VAV2: variants seen among roughly 807,000 people sequenced by gnomAD.
VAV2 encodes guanine nucleotide exchange factor VAV2.
In VAV2, 67 loss-of-function variants were observed where a neutral mutation model predicts 132.5. The ratio of observed to expected loss-of-function variants is 0.51; its 90% CI spans 0.42 to 0.62. VAV2 has a LOEUF of 0.62. Among genes scored for constraint, VAV2 ranks in the 20% least tolerant of loss-of-function variants. The probability of loss-of-function intolerance (pLI) is 0.00; values close to 1 mark genes in which losing one functional copy is unlikely to be tolerated. For missense variants in VAV2, 938 were observed against 1,153.6 expected (o/e 0.81, Z 2.71); for synonymous variants, 492 against 443.5 (o/e 1.11, Z -1.37).
At position 133,834,698 on chromosome 9, in the gene VAV2, G is replaced by C. The variant is rs1199348907; in HGVS notation, c.381-358C>G. Among the ~76,000 whole-genome samples, 3 of 152,228 alleles carry C rather than the reference G, an allele frequency of 2.0e-5. No homozygotes were observed. Among genetic ancestry groups the C allele is most frequent in the African/African-American group, 7.2e-5 (3 of 41,462 alleles). On this transcript the variant is annotated intron_variant, in intron 3 of 29. Transcript: ENST00000371850. The surrounding 1 kb of genome is among the most constrained non-coding windows in gnomAD (Gnocchi z 5.9). ...TTACCCACCCTCCCACTTCCAGGGG[G>C]TTCACAGTGGAGATGAGGCTCCTCG...
At position 133,802,778 on chromosome 9, in the gene VAV2, A is replaced by C. The variant is rs1285155854; in HGVS notation, c.836+3303T>G. 6.6e-6 allele frequency among the ~76,000 whole-genome samples: 1 copy of C among 151,918 alleles called. No homozygotes were observed. Among genetic ancestry groups the C allele is most frequent in the African/African-American group, 2.4e-5 (1 of 41,336 alleles). The stretch of plus-strand genomic sequence containing the variant: ...TCTGCCTCCAGTCCACACAGCCCCA[A>C]CCTCTCAAGATGCCCAGGGACAGGC... On this transcript the variant is annotated intron_variant, in intron 9 of 29. Transcript: ENST00000371850. The surrounding 1 kb of genome is among the most constrained non-coding windows in gnomAD (Gnocchi z 5.8).
At chr9:133,972,420 C>T (rs993192218) in intron 1 of VAV2, among the ~76,000 whole-genome samples, 3 of 152,230 alleles carry the variant, frequency 2.0e-5, no homozygotes, top group African/African-American at 4.8e-5. Context: ...CACACTGCGT[C>T]ATTAGCTAAT....
chr9:133,862,385 C>T (rs767159803), intron 2 of VAV2, among the ~76,000 whole-genome samples: 1 of 152,266 alleles, frequency 6.6e-6, no homozygotes, highest in Non-Finnish European at 1.5e-5. Context: ...GCTGTCACAA[C>T]TCACGGGGTG....
rs573063802 is a variant in VAV2, at chr9:133,926,587, C to T, written c.321+12516G>A. ...TAAACCTGAGCAGGCCAGGCCACCG[C>T]CACCAGCCTCTGGACCTTTGCACAT... On this transcript the variant is annotated intron_variant, in intron 2 of 29. Coordinates refer to ENST00000371850, the MANE Select transcript of VAV2 (RefSeq NM_001134398.2). This position sits in a 1 kb window ranked among gnomAD's most constrained non-coding sequence, Gnocchi z 4.3. 3.3e-5 allele frequency among the ~76,000 whole-genome samples: 5 copies of T among 152,330 alleles called. No individual in the cohort carries two copies. Among genetic ancestry groups the T allele is most frequent in the Admixed American group, 6.5e-5 (1 of 15,308 alleles).
rs535049887 is a variant in VAV2 at position 133,834,344 on chromosome 9, C to T, written c.381-4G>A. Reference sequence around the variant, plus strand: ...GGTCTCCTCTGAGGGAAAAGGCCTGCGGAAGAGAAGGCGAGAGGGAGGTGA... The same window carrying T: ...GGTCTCCTCTGAGGGAAAAGGCCTGTGGAAGAGAAGGCGAGAGGGAGGTGA... On this transcript the variant is annotated splice_region_variant and splice_polypyrimidine_tract_variant and intron_variant, in intron 3 of 29. Transcript: ENST00000371850. The surrounding 1 kb of genome is among the most constrained non-coding windows in gnomAD (Gnocchi z 5.9). The T allele has an allele frequency of 2.0e-5, 33 of 1,611,360 alleles. No homozygotes were observed. The highest frequency in any genetic ancestry group is 3.3e-5 in the South Asian group (3 of 90,516).
At chr9:133,923,711 A>G (rs1207503570) in intron 2 of VAV2, among the ~76,000 whole-genome samples, 1 of 152,246 alleles carries the variant, frequency 6.6e-6, no homozygotes, top group Non-Finnish European at 1.5e-5. Context: ...TTGCGGCACT[A>G]TTCACAATAG....
rs118148360 is a variant in VAV2, at chr9:133,794,907, G to A, written c.1101+761C>T. ...CTGAGGACAGAACCCAGTGGGGGGC[G>A]ATCCTCCCTGGAAAACGTTCTGTCC... On this transcript the variant is annotated intron_variant, in intron 12 of 29. Transcript: ENST00000371850. This position sits in a 1 kb window ranked among gnomAD's most constrained non-coding sequence, Gnocchi z 4.6. Among the ~76,000 whole-genome samples, 550 of 152,340 alleles carry A rather than the reference G, an allele frequency of 3.6e-3. 3 individuals are homozygous for A. Among genetic ancestry groups the A allele is most frequent in the Non-Finnish European group, 6.6e-3 (448 of 68,028 alleles).
intron 2 of VAV2, among the ~76,000 whole-genome samples, chr9:133,921,752 G>T (rs932291602): frequency 2.2e-4 from 34 of 152,344 alleles, no homozygotes; most frequent in African/African-American, 7.2e-4. Context: ...GTGTGGAGGG[G>T]CTCGGCCACA....
rs371132911 is a variant in VAV2, at chr9:133,809,903, C to T, written c.567+288G>A. 2.6e-5 allele frequency among the ~76,000 whole-genome samples: 4 copies of T among 152,312 alleles called. No homozygotes were observed. The South Asian group carries it at 6.2e-4, about 24-fold the overall frequency. On this transcript the variant is annotated intron_variant, in intron 6 of 29. Coordinates refer to ENST00000371850, the MANE Select transcript of VAV2 (RefSeq NM_001134398.2). ...GGCTCTGGAGAAATGGTGCTGTGAC[C>T]CACAGCGCTCGTGTCGGCCCTAAGA...
intron 7 of VAV2, among the ~76,000 whole-genome samples, chr9:133,807,996 C>T (rs1306693201): frequency 6.6e-6 from 1 of 152,258 alleles, no homozygotes; most frequent in Non-Finnish European, 1.5e-5. Context: ...CTGCACCGCT[C>T]CTTGGTCACC....
intron 2 of VAV2, among the ~76,000 whole-genome samples, chr9:133,938,863 C>A (rs1841025249): frequency 6.6e-6 from 1 of 152,174 alleles, no homozygotes; most frequent in Non-Finnish European, 1.5e-5. Context: ...CTGGCCTCAC[C>A]ATGACTGGAG....
At chr9:133,976,619 C>A (rs1443381058) in intron 1 of VAV2, among the ~76,000 whole-genome samples, 1 of 152,242 alleles carries the variant, frequency 6.6e-6, no homozygotes, top group Non-Finnish European at 1.5e-5. Context: ...GCCTGGCAAA[C>A]AGACCCCCAA....
At chr9:133,773,755 A>C (rs583538) in intron 25 of VAV2, among the ~76,000 whole-genome samples, 60,984 of 151,974 alleles carry the variant, frequency 0.4, 14,364 homozygotes, top group East Asian at 0.93. Flanking sequence ...TTTTTTGCTG[A>C]GTAGAAGGAG....
At chr9:133,954,823 A>C (rs1841695586) in intron 1 of VAV2, among the ~76,000 whole-genome samples, 1 of 152,156 alleles carries the variant, frequency 6.6e-6, no homozygotes, top group South Asian at 2.1e-4. Context: ...ATGTATGTGC[A>C]GTGTGTGTCT....
chr9:133,828,612 G>A (rs1377457295), intron 4 of VAV2, among the ~76,000 whole-genome samples: 2 of 152,232 alleles, frequency 1.3e-5, no homozygotes, highest in Non-Finnish European at 1.5e-5. Flanking sequence ...CACTGTCACT[G>A]CAGTGCCACC....
At chr9:133,953,989 CCACATGTGGGACAACCCACTG>C (rs1187581651) in intron 1 of VAV2, among the ~76,000 whole-genome samples, 2 of 151,834 alleles carry the variant, frequency 1.3e-5, no homozygotes, top group African/African-American at 2.4e-5. Context: ...GCAGGTGGCT[CCACATGTGGGACAACCCACTG>C]CACATGTGTG....
At chr9:133,856,048 C>T (rs113780698) in intron 3 of VAV2, among the ~76,000 whole-genome samples, 309 of 152,328 alleles carry the variant, frequency 2.0e-3, no homozygotes, top group African/African-American at 6.3e-3. Context: ...GGAGAAGCCA[C>T]GTGCGAAAGG....
At chr9:133,816,581 T>C (rs1260163091) in intron 4 of VAV2, among the ~76,000 whole-genome samples, 1 of 152,196 alleles carries the variant, frequency 6.6e-6, no homozygotes, top group African/African-American at 2.4e-5. Flanking sequence ...AACGCCTCTT[T>C]TTCGAGCAGG....
intron 3 of VAV2, among the ~76,000 whole-genome samples, chr9:133,853,163 G>A (rs1214254912): frequency 6.6e-6 from 1 of 152,230 alleles, no homozygotes; most frequent in African/African-American, 2.4e-5. Context: ...GTGGGGCCAG[G>A]TGCACACTCC....
Sources: gnomAD v4.1 joint callset for allele counts (sites outside exome capture counted in the v4.1 genomes callset) on GRCh38, gnomAD v4.1.1 for gene constraint, Gnocchi (gnomAD v3.1) non-coding constraint, MANE v1.5 for transcripts, NCBI Gene and HGNC (gene_info 2026-07-23, HGNC 2026-07-21) for gene names.